The following DNAH9 variants were observed in gnomAD, a reference collection of about 807,000 sequenced individuals.
The protein encoded by DNAH9 is dynein axonemal heavy chain 9, also known as DNAH9 variant protein.
Under a neutral mutation model 471.6 loss-of-function variants are expected in DNAH9, and 345 were observed. The ratio of observed to expected loss-of-function variants is 0.73; its 90% CI spans 0.67 to 0.80. The LOEUF (loss-of-function observed/expected upper bound fraction) is 0.80. Ranked by LOEUF, DNAH9 falls within the 30% of genes least tolerant of loss-of-function variation. The pLI is 0.00. For missense variants in DNAH9, 5,407 were observed against 5,609.2 expected, an observed-to-expected ratio of 0.96 and a Z score of 1.15; for synonymous variants, 2,093 against 2,123.6, an observed-to-expected ratio of 0.99 and a Z score of 0.40.
At chr17:11,922,196 G>A (rs1597830050) in intron 61 of DNAH9, among the ~76,000 whole-genome samples, 1 of 152,068 alleles carries the variant, frequency 6.6e-6, no homozygotes, top group Non-Finnish European at 1.5e-5. Context: ...TCTATACATT[G>A]TTTATATTTA....
At position 11,719,320 on chromosome 17, in the gene DNAH9, C is replaced by T; in HGVS notation, c.5553-14C>T. The T allele has an allele frequency of 6.2e-7, 1 of 1,613,136 alleles. No homozygotes were observed. Among genetic ancestry groups the T allele is most frequent in the Non-Finnish European group, 8.5e-7 (1 of 1,179,478 alleles). ...CCCCAAGAATGATGACCTATGCCCT[C>T]CCGTGTTTGGCAGGTGCTACATCAC... On this transcript the variant is annotated splice_polypyrimidine_tract_variant and intron_variant, in intron 26 of 68. Coordinates refer to ENST00000262442, the MANE Select transcript of DNAH9 (RefSeq NM_001372.4).
At chr17:11,844,567 G>A (rs539484196) in intron 49 of DNAH9, among the ~76,000 whole-genome samples, 6 of 152,030 alleles carry the variant, frequency 3.9e-5, no homozygotes, top group East Asian at 1.9e-4. Flanking sequence ...CACCATGCCC[G>A]ACTAATTTTT....
chr17:11,657,453 T>A (rs1043290231), intron 14 of DNAH9, among the ~76,000 whole-genome samples: 1 of 152,158 alleles, frequency 6.6e-6, no homozygotes, highest in South Asian at 2.1e-4. Context: ...TGGTTACACA[T>A]CTTTTGACAG....
At chr17:11,876,139 G>A (rs1972472225) in intron 53 of DNAH9, among the ~76,000 whole-genome samples, 1 of 152,132 alleles carries the variant, frequency 6.6e-6, no homozygotes, top group Non-Finnish European at 1.5e-5. Context: ...ATGGAAATTT[G>A]GCACTCGTGT....
chr17:11,918,252 G>A (rs967289498), intron 61 of DNAH9, among the ~76,000 whole-genome samples: 1 of 125,782 alleles, frequency 8.0e-6, no homozygotes, highest in Non-Finnish European at 1.8e-5. Context: ...TTTGTTTTGA[G>A]ACAGGCTCTC....
At chr17:11,624,240 G>A (rs1309272133) in intron 6 of DNAH9, among the ~76,000 whole-genome samples, 1 of 152,236 alleles carries the variant, frequency 6.6e-6, no homozygotes. Flanking sequence ...CGGGTGCAGT[G>A]GCTTACGCCT....
chr17:11,866,516 C>T (rs1210556375), intron 50 of DNAH9, among the ~76,000 whole-genome samples: 1 of 152,198 alleles, frequency 6.6e-6, no homozygotes, highest in Admixed American at 6.5e-5. Context: ...AGATCTCCAG[C>T]TGCATGCTGG....
At chr17:11,668,898 A>C (rs1396009388) in intron 15 of DNAH9, among the ~76,000 whole-genome samples, 166 bp from the exon 16 acceptor site, 1 of 152,006 alleles carries the variant, frequency 6.6e-6, no homozygotes, top group Admixed American at 6.6e-5. Flanking sequence ...CAAGACTATC[A>C]CCCTCACATT....
chr17:11,805,669 C>T (rs1969646613), intron 43 of DNAH9, among the ~76,000 whole-genome samples: 1 of 150,640 alleles, frequency 6.6e-6, no homozygotes, highest in African/African-American at 2.4e-5. Context: ...ATACTCCTGC[C>T]TCAGCTGCCC....
chr17:11,856,042 T>A (rs1302231043), intron 50 of DNAH9, among the ~76,000 whole-genome samples: 1 of 152,178 alleles, frequency 6.6e-6, no homozygotes, highest in African/African-American at 2.4e-5. Flanking sequence ...CCCTGCTGTG[T>A]GACTATAACT....
intron 38 of DNAH9, among the ~76,000 whole-genome samples, chr17:11,778,184 G>A (rs1381671755): frequency 6.6e-6 from 1 of 151,774 alleles, no homozygotes; most frequent in African/African-American, 2.4e-5. Context: ...AAAGCCATGG[G>A]TCAGCGAGTG....
At chr17:11,670,706 A>ATT (rs11320846) in intron 17 of DNAH9, among the ~76,000 whole-genome samples, 5 of 145,846 alleles carry the variant, frequency 3.4e-5, no homozygotes, top group Non-Finnish European at 7.6e-5. Context: ...CTTTGTGGGG[A>ATT]TTTTTTTTTT....
chr17:11,955,766 T>C (rs576624428), intron 67 of DNAH9, among the ~76,000 whole-genome samples: 1 of 152,212 alleles, frequency 6.6e-6, no homozygotes, highest in East Asian at 1.9e-4. Context: ...TCTCCAGCAC[T>C]GGAAATGGAG....
Position 11,929,878 on chromosome 17 carries a change from G to A in DNAH9, c.11890G>A (p.Val3964Met), listed in dbSNP as rs1044533990. The change falls in exon 63 of 69, where the codon GTG becomes ATG. Residue 3964 changes from valine (V) to methionine (M), a missense_variant. By Grantham distance (21) the Val-to-Met change is conservative. Transcript: ENST00000262442. ...TCCTTCCCACTAGAACATTCACCTG[G>A]TGGCCAAGTGGCTCAGCACCCTGGA... ...HWVILQNIHL[V>M]AKWLSTLEKK... 6.2e-7 allele frequency: 1 copy of A among 1,613,492 alleles called. No individual in the cohort carries two copies. Among genetic ancestry groups the A allele is most frequent in the African/African-American group, 1.3e-5 (1 of 74,992 alleles).
intron 67 of DNAH9, among the ~76,000 whole-genome samples, chr17:11,946,663 C>CAAAAAAAA (rs754149437): frequency 6.4e-4 from 43 of 67,386 alleles, no homozygotes; most frequent in East Asian, 1.0e-3. Flanking sequence ...GACTCCATCT[C>CAAAAAAAA]AAAAAAAAAA....
intron 26 of DNAH9, among the ~76,000 whole-genome samples, chr17:11,718,145 G>A (rs989011146): frequency 2.0e-5 from 3 of 152,126 alleles, no homozygotes; most frequent in East Asian, 1.9e-4. Context: ...CCAAAGTGCT[G>A]GGATTACAGA....
rs755877894 is a variant in DNAH9 at position 11,961,933 on chromosome 17, G to C, written c.12910G>C (p.Glu4304Gln). ...QNALYFDMVP[E>Q]SWARRAYPST... ...TGCCCTGTACTTCGATATGGTGCCA[G>C]AGTCCTGGGCTAGACGAGCCTACCC... Residue 4304 changes from glutamate (E) to glutamine (Q), a missense_variant, in exon 68 of 69, where the codon GAG becomes CAG. Transcript: ENST00000262442. 6 of 1,614,064 alleles carry C rather than the reference G, an allele frequency of 3.7e-6. No homozygotes were observed. Among genetic ancestry groups the C allele is most frequent in the Non-Finnish European group, 5.1e-6 (6 of 1,180,046 alleles).
intron 68 of DNAH9, among the ~76,000 whole-genome samples, chr17:11,964,435 AAAT>A (rs1482726605): frequency 1.3e-5 from 2 of 152,170 alleles, no homozygotes; most frequent in Non-Finnish European, 1.5e-5. Context: ...ACCTCATTGT[AAAT>A]AATAATAAAA....
At chr17:11,933,491 C>T (rs1429138870) in intron 64 of DNAH9, among the ~76,000 whole-genome samples, 1 of 152,024 alleles carries the variant, frequency 6.6e-6, no homozygotes, top group Admixed American at 6.6e-5. Context: ...AGAGATTCTC[C>T]TGTCTCAGCC....
Sources: gnomAD v4.1 joint callset for allele counts (sites outside exome capture counted in the v4.1 genomes callset) on GRCh38, gnomAD v4.1.1 for gene constraint, MANE v1.5 for transcripts, NCBI Gene and HGNC (gene_info 2026-07-23, HGNC 2026-07-21) for gene names.